The following ESRRG variants were observed in gnomAD, a reference collection of about 807,000 sequenced individuals.
The protein encoded by ESRRG is estrogen-related receptor gamma.
A neutral mutation model predicts 44.0 loss-of-function variants in ESRRG; 13 were observed. That is an observed-to-expected ratio of 0.30 (90% CI 0.19 to 0.47). The LOEUF (loss-of-function observed/expected upper bound fraction) is 0.47, where lower values mean the gene tolerates loss of function less well. Ranked by LOEUF, ESRRG falls within the 20% of genes least tolerant of loss-of-function variation. ESRRG has a pLI of 1.00. For missense variants in ESRRG, 395 were observed against 580.6 expected, an observed-to-expected ratio of 0.68 and a Z score of 3.29; for synonymous variants, 215 against 214.6, an observed-to-expected ratio of 1.00 and a Z score of -0.02.
intron 3 of ESRRG, among the ~76,000 whole-genome samples, chr1:216,640,729 G>A (rs1441498846): frequency 1.3e-5 from 2 of 152,122 alleles, no homozygotes; most frequent in Non-Finnish European, 2.9e-5. Flanking sequence ...TTCATTAAAT[G>A]AGTCTTATTC....
chr1:216,934,992 G>A (rs895556629), intron 2 of ESRRG, among the ~76,000 whole-genome samples: 2 of 152,138 alleles, frequency 1.3e-5, no homozygotes, highest in African/African-American at 4.8e-5. Flanking sequence ...TATTTTAATA[G>A]AAAAACTAAA....
chr1:216,951,543 T>A (rs2066948306), intron 1 of ESRRG, among the ~76,000 whole-genome samples: 1 of 152,130 alleles, frequency 6.6e-6, no homozygotes. Flanking sequence ...TAGCTTCCGC[T>A]TCTTATTAAA....
At chr1:216,546,542 A>G (rs1254431595) in intron 5 of ESRRG, among the ~76,000 whole-genome samples, 1 of 152,066 alleles carries the variant, frequency 6.6e-6, no homozygotes, top group Non-Finnish European at 1.5e-5. Context: ...TAAATTTTTA[A>G]CAAGAGGATC....
intron 2 of ESRRG, among the ~76,000 whole-genome samples, chr1:216,797,183 C>T (rs944877795): frequency 4.6e-5 from 7 of 152,162 alleles, no homozygotes; most frequent in African/African-American, 1.2e-4. Flanking sequence ...AGCCACCGTG[C>T]GCGGCCTCCT....
intron 2 of ESRRG, among the ~76,000 whole-genome samples, chr1:216,767,476 A>G (rs182415100): frequency 1.3e-5 from 2 of 152,286 alleles, no homozygotes; most frequent in Admixed American, 6.5e-5. Context: ...TTGGATAACA[A>G]GATACTGAGT....
intron 1 of ESRRG, among the ~76,000 whole-genome samples, chr1:216,709,274 A>C (rs894388428): frequency 6.6e-6 from 1 of 151,800 alleles, no homozygotes; most frequent in Admixed American, 6.6e-5. Flanking sequence ...TTACATTTGC[A>C]TGTGTTCAAA....
At chr1:216,958,705 C>G (rs2068442256) in intron 1 of ESRRG, among the ~76,000 whole-genome samples, 1 of 152,146 alleles carries the variant, frequency 6.6e-6, no homozygotes, top group African/African-American at 2.4e-5. Flanking sequence ...AAAATATTTA[C>G]AGCATCCACT....
chr1:216,651,218 A>G, intron 2 of ESRRG, 129 bp from the exon 3 acceptor site: 1 of 663,458 alleles, frequency 1.5e-6, no homozygotes, highest in Non-Finnish European at 2.8e-6. Flanking sequence ...GACTCAAGAG[A>G]AATGTCATAA....
At chr1:216,800,385 A>G (rs2094579998) in intron 2 of ESRRG, among the ~76,000 whole-genome samples, 1 of 152,160 alleles carries the variant, frequency 6.6e-6, no homozygotes, top group African/African-American at 2.4e-5. Context: ...CTGGACAGAA[A>G]AGGGAGGGAA....
chr1:216,701,273 A>G (rs1167544949), intron 1 of ESRRG, among the ~76,000 whole-genome samples: 1 of 152,156 alleles, frequency 6.6e-6, no homozygotes, highest in Admixed American at 6.5e-5. Context: ...AGTCTGCACC[A>G]CACTATCTTG....
chr1:216,873,059 G>T (rs560050748), intron 2 of ESRRG, among the ~76,000 whole-genome samples: 1 of 152,240 alleles, frequency 6.6e-6, no homozygotes, highest in South Asian at 2.1e-4. Context: ...CAGTTATTCA[G>T]ATTTTTCCTG....
At chr1:216,831,245 C>T (rs971723141) in intron 2 of ESRRG, among the ~76,000 whole-genome samples, 8 of 151,894 alleles carry the variant, frequency 5.3e-5, no homozygotes, top group African/African-American at 1.9e-4. Flanking sequence ...TGGTTATTAG[C>T]ACCGATCAAC....
chr1:216,919,581 T>A (rs1169000621), intron 2 of ESRRG, among the ~76,000 whole-genome samples: 1 of 152,218 alleles, frequency 6.6e-6, no homozygotes, highest in Non-Finnish European at 1.5e-5. Context: ...ATATTTTCTA[T>A]TTATTCTTCT....
At chr1:216,845,952 G>T (rs1193815388) in intron 2 of ESRRG, among the ~76,000 whole-genome samples, 1 of 152,098 alleles carries the variant, frequency 6.6e-6, no homozygotes, top group African/African-American at 2.4e-5. Flanking sequence ...CACCAAGAAG[G>T]AAATCGTCTA....
chr1:216,532,993 C>T (rs1181107402), intron 5 of ESRRG, among the ~76,000 whole-genome samples: 1 of 151,982 alleles, frequency 6.6e-6, no homozygotes, highest in Non-Finnish European at 1.5e-5. Context: ...GATGAAAGCT[C>T]GGGATACAGC....
intron 3 of ESRRG, among the ~76,000 whole-genome samples, chr1:216,619,878 GT>G (rs1489616842): frequency 6.6e-6 from 1 of 152,096 alleles, no homozygotes; most frequent in African/African-American, 2.4e-5. Flanking sequence ...GCCTTAAAAT[GT>G]TTTCAAACTA....
At chr1:216,906,722 A>G (rs1169939986) in intron 2 of ESRRG, among the ~76,000 whole-genome samples, 1 of 152,248 alleles carries the variant, frequency 6.6e-6, no homozygotes, top group African/African-American at 2.4e-5. Flanking sequence ...GAAGAGAGAA[A>G]GTAAAGAAAG....
intron 2 of ESRRG, among the ~76,000 whole-genome samples, chr1:216,771,652 G>A (rs543891792): frequency 1.3e-5 from 2 of 152,028 alleles, no homozygotes; most frequent in African/African-American, 2.4e-5. Context: ...CTTATGTACT[G>A]CAAGAACAAT....
chr1:216,589,903 CAAAAA>C (rs58458686), intron 3 of ESRRG, among the ~76,000 whole-genome samples: 7 of 32,244 alleles, frequency 2.2e-4, no homozygotes, highest in South Asian at 1.7e-3. Flanking sequence ...AACTCTGTCT[CAAAAA>C]AAAAAAAAAA....
Sources: allele counts gnomAD v4.1 joint callset (sites outside exome capture counted in the v4.1 genomes callset), GRCh38; gene constraint gnomAD v4.1.1; transcripts MANE v1.5; gene names NCBI Gene and HGNC (gene_info 2026-07-23, HGNC 2026-07-21).